The following PLAAT5 variants were observed in gnomAD, a reference collection of about 807,000 sequenced individuals.
The protein encoded by PLAAT5 is Ca(2+)-independent N-acyltransferase.
A neutral mutation model predicts 27.8 loss-of-function variants in PLAAT5; 27 were observed. The observed-to-expected ratio is 0.97, with a 90% CI of 0.72 to 1.34. The LOEUF (loss-of-function observed/expected upper bound fraction) is 1.34. Ranked by LOEUF, PLAAT5 falls within the 40% of genes most tolerant of loss-of-function variation. PLAAT5 has a pLI of 0.00. For synonymous variants in PLAAT5, 125 were observed against 136.1 expected, an observed-to-expected ratio of 0.92 and a Z score of 0.57; for missense variants, 368 against 343.8, an observed-to-expected ratio of 1.07 and a Z score of -0.56.
intron 3 of PLAAT5, among the ~76,000 whole-genome samples, chr11:63,478,250 G>A (rs1243084841): frequency 2.6e-5 from 4 of 151,740 alleles, no homozygotes; most frequent in South Asian, 4.2e-4. Context: ...TACCACAACC[G>A]CAGAGCTGGA....
chr11:63,487,692 T>C (rs1374795171), intron 3 of PLAAT5, among the ~76,000 whole-genome samples: 1 of 152,204 alleles, frequency 6.6e-6, no homozygotes, highest in Non-Finnish European at 1.5e-5. Flanking sequence ...TACATAAATG[T>C]TCAAGCAGAT....
chr11:63,489,212 T>C (rs889657901), intron 2 of PLAAT5, among the ~76,000 whole-genome samples: 1 of 152,246 alleles, frequency 6.6e-6, no homozygotes. Flanking sequence ...TGGGGGTTTT[T>C]ATTTTTTAAT....
At chr11:63,488,726 T>C (rs1565217491) in intron 3 of PLAAT5, 145 bp downstream of exon 3, 1 of 490,840 alleles carries the variant, frequency 2.0e-6, no homozygotes. Context: ...GTGTATTTTA[T>C]GTGTGGCCCA....
chr11:63,483,837 A>ATATATG (rs1471301173), intron 3 of PLAAT5, among the ~76,000 whole-genome samples: 1 of 121,182 alleles, frequency 8.3e-6, no homozygotes, highest in Non-Finnish European at 1.8e-5. Context: ...ATATATATAT[A>ATATATG]TATATACACA....
rs1180508340 is a variant in PLAAT5, at chr11:63,461,532, C to T, written c.*1971G>A. The T allele has an allele frequency of 2.6e-5, 4 of 152,166 alleles. No homozygotes were observed. The highest frequency in any genetic ancestry group is 9.7e-5 in the African/African-American group (4 of 41,424). The allele number at this position is 152,166 out of a possible 1,614,324, so 9.4% of individuals were successfully genotyped here. On this transcript the variant is annotated 3_prime_UTR_variant, in exon 6 of 6. Coordinates refer to ENST00000540857, the MANE Select transcript of PLAAT5 (RefSeq NM_001146729.2). ...TATCAACAAGACTAAGAAGCCGCAC[C>T]CGAGTGGTCCCACTCAAAAAAGAGA...
At chr11:63,488,086 A>C (rs1374738988) in intron 3 of PLAAT5, among the ~76,000 whole-genome samples, 3 of 152,258 alleles carry the variant, frequency 2.0e-5, no homozygotes, top group Non-Finnish European at 4.4e-5. Context: ...CAGAGCTTGC[A>C]GTGAGCCAAG....
chr11:63,473,497 C>G (rs1257639881), intron 3 of PLAAT5, among the ~76,000 whole-genome samples: 1 of 152,112 alleles, frequency 6.6e-6, no homozygotes, highest in African/African-American at 2.4e-5. Context: ...CTGAAGTATA[C>G]CTGTATGTGA....
chr11:63,483,793 A>G (rs1590625543), intron 3 of PLAAT5, among the ~76,000 whole-genome samples: 1 of 59,632 alleles, frequency 1.7e-5, no homozygotes, highest in Non-Finnish European at 2.6e-5. Flanking sequence ...AAATATATAT[A>G]TATATATGTA....
chr11:63,463,903 A>G (rs1461213895), intron 5 of PLAAT5, among the ~76,000 whole-genome samples: 2 of 152,148 alleles, frequency 1.3e-5, no homozygotes, highest in African/African-American at 4.8e-5. Context: ...CTCATTCTAC[A>G]AACAGGGGAT....
intron 3 of PLAAT5, 44 bp from the exon 4 acceptor site, chr11:63,468,509 C>T (rs887655376): frequency 2.1e-5 from 29 of 1,400,926 alleles, no homozygotes; most frequent in Admixed American, 3.4e-5. Flanking sequence ...GCTCAAGGAA[C>T]TCCAGAGACC....
Position 63,461,968 on chromosome 11 carries a change from C to A in PLAAT5, c.*1535G>T, listed in dbSNP as rs1351320531. 1.3e-5 allele frequency: 2 copies of A among 152,158 alleles called. No individual in the cohort carries two copies. The highest frequency in any genetic ancestry group is 2.9e-5 in the Non-Finnish European group (2 of 68,036). 9.4% of individuals were successfully genotyped at this position (152,158 alleles called of 1,614,324 possible). A position where few individuals can be genotyped will look rare whatever the true frequency, so the allele number is the denominator to read the frequency against. On this transcript the variant is annotated 3_prime_UTR_variant, in exon 6 of 6. Coordinates refer to ENST00000540857, the MANE Select transcript of PLAAT5 (RefSeq NM_001146729.2). ...AAAAGCCAGAGAAGTGTCTTTCTGT[C>A]CCAAACATAAGCAAGAGATGGATGA...
At chr11:63,463,626 A>G (rs772992737) in intron 5 of PLAAT5, 31 bp from the exon 6 acceptor site, 1 of 1,582,448 alleles carries the variant, frequency 6.3e-7, no homozygotes, top group Admixed American at 1.7e-5. Flanking sequence ...CAGGACAATC[A>G]GTACCAATCC....
At chr11:63,479,334 A>C (rs1475000035) in intron 3 of PLAAT5, among the ~76,000 whole-genome samples, 1 of 152,262 alleles carries the variant, frequency 6.6e-6, no homozygotes, top group African/African-American at 2.4e-5. Flanking sequence ...TAATAAGACT[A>C]TATTGCTTTA....
intron 3 of PLAAT5, among the ~76,000 whole-genome samples, chr11:63,481,402 T>C (rs2016281001): frequency 6.6e-6 from 1 of 152,232 alleles, no homozygotes; most frequent in Non-Finnish European, 1.5e-5. Flanking sequence ...ATCGTGCCAT[T>C]GCACTCCAGC....
chr11:63,475,403 T>C (rs377445837), intron 3 of PLAAT5, among the ~76,000 whole-genome samples: 7 of 152,220 alleles, frequency 4.6e-5, no homozygotes, highest in African/African-American at 1.4e-4. Flanking sequence ...AGAATGACCC[T>C]TTTTTTCTAA....
rs2016562398 is a variant in PLAAT5, at chr11:63,491,121, G to T, written c.-87C>A. 1 of 1,204,670 alleles carries T rather than the reference G, an allele frequency of 8.3e-7. No homozygotes were observed. Among genetic ancestry groups the T allele is most frequent in the Admixed American group, 4.0e-5 (1 of 25,084 alleles). 74.6% of individuals were successfully genotyped at this position (1,204,670 alleles called of 1,614,324 possible). A position where few individuals can be genotyped will look rare whatever the true frequency, so the allele number is the denominator to read the frequency against. Reference sequence around the variant, plus strand: ...CCAGTCGGCGCGGCCCCTGGTCGGCGGAGCCGCGGAAGCTTGGGCACTGGG... The same window carrying T: ...CCAGTCGGCGCGGCCCCTGGTCGGCTGAGCCGCGGAAGCTTGGGCACTGGG... On this transcript the variant is annotated 5_prime_UTR_variant, in exon 1 of 6. Coordinates refer to ENST00000540857, the MANE Select transcript of PLAAT5 (RefSeq NM_001146729.2).
At chr11:63,465,210 C>T (rs886440882) in intron 5 of PLAAT5, among the ~76,000 whole-genome samples, 11 of 151,818 alleles carry the variant, frequency 7.2e-5, no homozygotes, top group African/African-American at 2.2e-4. Context: ...ACCCAGGAGG[C>T]GGAGGTTGCA....
chr11:63,477,468 T>C (rs2016178137), intron 3 of PLAAT5, among the ~76,000 whole-genome samples: 1 of 152,242 alleles, frequency 6.6e-6, no homozygotes, highest in South Asian at 2.1e-4. Flanking sequence ...AGTTTTTTTC[T>C]TGTTTTTATT....
intron 3 of PLAAT5, among the ~76,000 whole-genome samples, chr11:63,472,533 G>A (rs904049470): frequency 6.6e-6 from 1 of 152,170 alleles, no homozygotes; most frequent in Non-Finnish European, 1.5e-5. Flanking sequence ...TTAATCTGTA[G>A]ATCGATTTGG....
Sources: gnomAD v4.1 joint callset for allele counts (sites outside exome capture counted in the v4.1 genomes callset) on GRCh38, gnomAD v4.1.1 for gene constraint, MANE v1.5 for transcripts, NCBI Gene and HGNC (gene_info 2026-07-23, HGNC 2026-07-21) for gene names.